PRDM5: variants seen among roughly 807,000 people sequenced by gnomAD.
The protein encoded by PRDM5 is PR/SET domain 5.
PRDM5 carries 56 observed loss-of-function variants against 81.2 expected under a neutral mutation model. The ratio of observed to expected loss-of-function variants is 0.69; its 90% CI spans 0.56 to 0.86. The LOEUF is 0.86. Among genes scored for constraint, PRDM5 ranks in the 40% least tolerant of loss-of-function variants. The pLI, the probability that PRDM5 is intolerant of heterozygous loss-of-function variation, is 0.00. For synonymous variants in PRDM5, 267 were observed against 256.4 expected, an observed-to-expected ratio of 1.04 and a Z score of -0.39; for missense variants, 697 against 770.1, an observed-to-expected ratio of 0.91 and a Z score of 1.12.
chr4:120,762,822 G>C (rs901308595), intron 13 of PRDM5: 5 of 152,114 alleles, frequency 3.3e-5, no homozygotes, highest in African/African-American at 1.2e-4. Flanking sequence ...ATCAAATTCT[G>C]AGGAATCTCA....
chr4:120,770,284 C>T (rs947841969), intron 13 of PRDM5, among the ~76,000 whole-genome samples: 9 of 152,118 alleles, frequency 5.9e-5, no homozygotes, highest in Admixed American at 2.0e-4. Context: ...CCACCTCAAC[C>T]TCCCAAAGTG....
chr4:120,856,167 C>T (rs183510957), intron 2 of PRDM5, among the ~76,000 whole-genome samples: 1 of 152,232 alleles, frequency 6.6e-6, no homozygotes, highest in African/African-American at 2.4e-5. Context: ...ATATGCACTT[C>T]CTGTCTATCA....
chr4:120,850,765 C>T (rs1271574238), intron 3 of PRDM5, among the ~76,000 whole-genome samples: 1 of 152,114 alleles, frequency 6.6e-6, no homozygotes, highest in Non-Finnish European at 1.5e-5. Context: ...TCTTGGAGTA[C>T]CTGTCATCTT....
chr4:120,765,115 A>C (rs1746194193), intron 13 of PRDM5, among the ~76,000 whole-genome samples: 1 of 152,210 alleles, frequency 6.6e-6, no homozygotes, highest in Admixed American at 6.5e-5. Context: ...TTAAAAAAGC[A>C]TTCAAGGAAA....
At chr4:120,827,994 C>G (rs897653503) in intron 3 of PRDM5, among the ~76,000 whole-genome samples, 2 of 152,048 alleles carry the variant, frequency 1.3e-5, no homozygotes, top group Non-Finnish European at 2.9e-5. Flanking sequence ...AACAGTATCC[C>G]TCTTTTATAT....
chr4:120,811,881 C>T (rs1481261642), intron 7 of PRDM5, among the ~76,000 whole-genome samples: 3 of 152,020 alleles, frequency 2.0e-5, no homozygotes, highest in Non-Finnish European at 4.4e-5. Context: ...GTGTTAGAAA[C>T]ATTCCAATTC....
At chr4:120,829,426 G>T (rs747412654) in intron 3 of PRDM5, among the ~76,000 whole-genome samples, 2 of 151,976 alleles carry the variant, frequency 1.3e-5, no homozygotes, top group Non-Finnish European at 2.9e-5. Flanking sequence ...CTGATAATTT[G>T]CTCTTTGTCT....
At chr4:120,778,314 T>C (rs1256090460) in intron 12 of PRDM5, among the ~76,000 whole-genome samples, 1 of 152,142 alleles carries the variant, frequency 6.6e-6, no homozygotes, top group Non-Finnish European at 1.5e-5. Context: ...AAGTGGTATT[T>C]GAACTGACAT....
chr4:120,907,851 T>C (rs948665192), intron 1 of PRDM5, among the ~76,000 whole-genome samples: 11 of 152,222 alleles, frequency 7.2e-5, no homozygotes, highest in Non-Finnish European at 1.3e-4. Context: ...TTCAATCCTC[T>C]TCATAGCCTC....
In PRDM5 at chr4:120,694,053, G is replaced by C. The variant is rs1280334874; in HGVS notation, c.*1058C>G. 1 of 152,094 alleles carries C rather than the reference G, an allele frequency of 6.6e-6. No individual in the cohort carries two copies. Among genetic ancestry groups the C allele is most frequent in the Non-Finnish European group, 1.5e-5 (1 of 68,006 alleles). The allele number at this position is 152,094 out of a possible 1,614,324, so 9.4% of individuals were successfully genotyped here. ...GGATTCCTAATTATATGGGATGATT[G>C]AAGGTAATTCAAAAGTGTTTCAGAA... is the stretch of plus-strand genomic sequence containing the variant. On this transcript the variant is annotated 3_prime_UTR_variant, in exon 16 of 16. Transcript: ENST00000264808.
intron 3 of PRDM5, among the ~76,000 whole-genome samples, chr4:120,825,852 G>T (rs909436122): frequency 3.4e-5 from 5 of 148,874 alleles, no homozygotes; most frequent in Non-Finnish European, 7.6e-5. Context: ...CCAATCAATT[G>T]TCTGAACCAT....
intron 3 of PRDM5, among the ~76,000 whole-genome samples, chr4:120,830,477 A>C (rs1756578289): frequency 1.3e-5 from 2 of 152,120 alleles, no homozygotes; most frequent in Admixed American, 6.6e-5. Context: ...CTTTGTCAGC[A>C]AGAAATAAAC....
At chr4:120,686,955 A>G (rs910055733), downstream of PRDM5, among the ~76,000 whole-genome samples, 2 of 152,080 alleles carry the variant, frequency 1.3e-5, no homozygotes, top group Non-Finnish European at 2.9e-5. Context: ...TTGAAATTGT[A>G]TATTTGTAAT....
chr4:120,818,124 T>G, intron 5 of PRDM5: 2 of 508,046 alleles, frequency 3.9e-6, no homozygotes, highest in South Asian at 4.8e-5. Context: ...TAAACAGTGT[T>G]TATGTGTTAA....
At chr4:120,886,645 C>T (rs185128963) in intron 2 of PRDM5, among the ~76,000 whole-genome samples, 31 of 152,134 alleles carry the variant, frequency 2.0e-4, no homozygotes, top group Non-Finnish European at 3.7e-4. Flanking sequence ...GTAAAAATAG[C>T]TATACATTTA....
chr4:120,758,901 G>T (rs1358106119), intron 13 of PRDM5, among the ~76,000 whole-genome samples: 1 of 151,928 alleles, frequency 6.6e-6, no homozygotes, highest in Non-Finnish European at 1.5e-5. Flanking sequence ...GACTACAGGT[G>T]CCCGCCACCA....
intron 8 of PRDM5, among the ~76,000 whole-genome samples, chr4:120,801,732 C>G (rs1203516946): frequency 6.6e-6 from 1 of 152,190 alleles, no homozygotes; most frequent in Non-Finnish European, 1.5e-5. Context: ...CAGCCTGAGG[C>G]ATGTTAAAGG....
At chr4:120,785,658 G>C in intron 10 of PRDM5, among the ~76,000 whole-genome samples, 1 of 152,002 alleles carries the variant, frequency 6.6e-6, no homozygotes, top group Admixed American at 6.6e-5. Context: ...TGTGTCAAAT[G>C]CTATTCTAAA....
intron 14 of PRDM5, among the ~76,000 whole-genome samples, chr4:120,719,741 C>T (rs1318694650): frequency 6.6e-6 from 1 of 152,106 alleles, no homozygotes; most frequent in African/African-American, 2.4e-5. Context: ...TTGAACTGGG[C>T]TGGGGCTACT....
Sources: gnomAD v4.1 joint callset for allele counts (sites outside exome capture counted in the v4.1 genomes callset) on GRCh38, gnomAD v4.1.1 for gene constraint, MANE v1.5 for transcripts, NCBI Gene and HGNC (gene_info 2026-07-23, HGNC 2026-07-21) for gene names.